PUS1: variants seen among roughly 807,000 people sequenced by gnomAD.
The protein encoded by PUS1 is pseudouridylate synthase 1 homolog.
A neutral mutation model predicts 38.5 loss-of-function variants in PUS1; 25 were observed. The ratio of observed to expected loss-of-function variants is 0.65; its 90% CI spans 0.47 to 0.91. The LOEUF is 0.91. PUS1 is among the 40% of genes least tolerant of loss of function. The pLI is 0.00. For missense variants in PUS1, 597 were observed against 612.3 expected (o/e 0.97, Z 0.26); for synonymous variants, 282 against 260.4 (o/e 1.08, Z -0.80).
In PUS1 at chr12:131,932,168, T is replaced by C. The variant is rs770047109; in HGVS notation, c.304-7T>C. 4.3e-6 allele frequency: 7 copies of C among 1,613,916 alleles called. No individual in the cohort carries two copies. Among genetic ancestry groups the C allele is most frequent in the Non-Finnish European group, 5.9e-6 (7 of 1,179,852 alleles). On this transcript the variant is annotated splice_polypyrimidine_tract_variant and splice_region_variant and intron_variant, in intron 2 of 5. Transcript: ENST00000376649. ...ATATAAAATCTGTTTTTGTCTCCTT[T>C]TTCCAGAGGAATGTCGGGTCCTCAC...
intron 2 of PUS1, 143 bp downstream of exon 2, chr12:131,930,278 A>G: frequency 4.3e-6 from 2 of 469,424 alleles, no homozygotes; most frequent in East Asian, 3.5e-5. Context: ...GTGCAGGCCC[A>G]AGCAGCTTTC....
chr12:131,930,044 G>C lies in PUS1; in HGVS notation c.212G>C (p.Ser71Thr), dbSNP rs760487019. The C allele has an allele frequency of 2.1e-6, 3 of 1,453,698 alleles. No homozygotes were observed. Among genetic ancestry groups the C allele is most frequent in the Non-Finnish European group, 2.7e-6 (3 of 1,105,238 alleles). 90.0% of individuals were successfully genotyped at this position (1,453,698 alleles called of 1,614,324 possible). A position where few individuals can be genotyped will look rare whatever the true frequency, so the allele number is the denominator to read the frequency against. The change falls in exon 2 of 6, where the codon AGC (serine) becomes ACC (threonine). Residue 71 changes from serine (S) to threonine (T), a missense_variant. Transcript: ENST00000376649. ...GAACATCCGGCGAAGAAGCTCAAGA[G>C]CGGTGGCGACGAGGAGCGGCGCGAG... ...DGEHPAKKLK[S>T]GGDEERREKP...
intron 2 of PUS1, among the ~76,000 whole-genome samples, chr12:131,931,073 G>C (rs1426729105): frequency 6.6e-6 from 1 of 152,216 alleles, no homozygotes; most frequent in African/African-American, 2.4e-5. Context: ...AGTGCGTGCA[G>C]TGTCTGACTG....
chr12:131,939,037 G>A (rs1593294293), intron 3 of PUS1, 136 bp from the exon 4 acceptor site: 3 of 710,834 alleles, frequency 4.2e-6, no homozygotes, highest in East Asian at 2.7e-5. Context: ...CACTATGCCC[G>A]GCCCTCCAGA....
In PUS1 at chr12:131,944,442, A is replaced by G; in HGVS notation, c.*856A>G. 6.6e-6 allele frequency: 1 copy of G among 152,146 alleles called. No homozygotes were observed. The highest frequency in any genetic ancestry group is 1.5e-5 in the Non-Finnish European group (1 of 68,078). 9.4% of individuals were successfully genotyped at this position (152,146 alleles called of 1,614,324 possible). A position where few individuals can be genotyped will look rare whatever the true frequency, so the allele number is the denominator to read the frequency against. ...GGCAGGAGAATCGCTTGAACCTGGG[A>G]GGTGGAGATTGCAGTGAGCCAAGAT... On this transcript the variant is annotated 3_prime_UTR_variant, in exon 6 of 6. Transcript: ENST00000376649.
intron 2 of PUS1, chr12:131,931,942 C>T: frequency 1.6e-6 from 1 of 629,388 alleles, no homozygotes; most frequent in South Asian, 1.8e-5. Context: ...TTCAATCAAA[C>T]CTGTGTTTTG....
Position 131,930,162 on chromosome 12 carries a change from C to A in PUS1, c.303+27C>A, listed in dbSNP as rs748846149. 3.6e-6 allele frequency: 5 copies of A among 1,398,952 alleles called. 1 individual carries two copies. In the South Asian group the frequency reaches 6.9e-5, roughly 19 times the overall value. The allele number at this position is 1,398,952 out of a possible 1,614,324, so 86.7% of individuals were successfully genotyped here. On this transcript the variant is annotated intron_variant, in intron 2 of 5. Coordinates refer to ENST00000376649, the MANE Select transcript of PUS1 (RefSeq NM_025215.6). ...TGTGGCCGCCCGGGAAGCGGCAGGT[C>A]CCGCGGGGTTTAGGTGCAGGTGCGG...
At chr12:131,929,834 CCCAG>C in intron 1 of PUS1, 38 bp downstream of exon 1, 1 of 1,463,618 alleles carries the variant, frequency 6.8e-7, no homozygotes, top group Non-Finnish European at 9.2e-7. Context: ...GCTATGCCCG[CCCAG>C]CCCAGCCCAC....
At position 131,941,042 on chromosome 12, in the gene PUS1, G is replaced by A. The variant is rs868383513; in HGVS notation, c.545-250G>A. ...GACATTCCGTATCTTCTCACTATTG[G>A]AAAATTACAATAAATGGTTGTAAAT... On this transcript the variant is annotated intron_variant, in intron 4 of 5. Coordinates refer to ENST00000376649, the MANE Select transcript of PUS1 (RefSeq NM_025215.6). The surrounding 1 kb of genome is among the most constrained non-coding windows in gnomAD (Gnocchi z 4.4). The A allele has an allele frequency of 7.3e-6, 4 of 550,446 alleles. No individual in the cohort carries two copies. The highest frequency in any genetic ancestry group is 1.9e-5 in the African/African-American group (1 of 53,230). 34.1% of individuals were successfully genotyped at this position (550,446 alleles called of 1,614,324 possible). A position where few individuals can be genotyped will look rare whatever the true frequency, so the allele number is the denominator to read the frequency against.
At chr12:131,935,694 C>T (rs1035201886) in intron 3 of PUS1, among the ~76,000 whole-genome samples, 14 of 151,860 alleles carry the variant, frequency 9.2e-5, no homozygotes, top group South Asian at 2.1e-4. Context: ...TCACCACGCC[C>T]GGCTGATTTT....
rs200130591 is a variant in PUS1 at position 131,941,413 on chromosome 12, C to T, written c.666C>T (p.Tyr222=). Residue 222 remains tyrosine, a synonymous_variant, in exon 5 of 6, where the codon TAC becomes TAT. Coordinates refer to ENST00000376649, the MANE Select transcript of PUS1 (RefSeq NM_025215.6). The surrounding 1 kb of genome is among the most constrained non-coding windows in gnomAD (Gnocchi z 4.4). ...HKDRDVQDET[Y]RLSAETLQQV... ...ACCGGGACGTTCAGGATGAGACCTACCGCCTGAGCGCCGAGACGCTGCAGC... is the reference window on the plus strand; with the variant it reads ...ACCGGGACGTTCAGGATGAGACCTATCGCCTGAGCGCCGAGACGCTGCAGC... The T allele has an allele frequency of 3.1e-6, 5 of 1,614,204 alleles. No individual in the cohort carries two copies. In the Admixed American group the frequency reaches 8.3e-5, roughly 27 times the overall value.
At chr12:131,939,120 C>T (rs1890957738) in intron 3 of PUS1, 53 bp from the exon 4 acceptor site, 6 of 1,107,064 alleles carry the variant, frequency 5.4e-6, no homozygotes, top group South Asian at 1.3e-5. Flanking sequence ...CAGAGACCAG[C>T]GTGCGAGGCC....
Position 131,930,057 on chromosome 12 carries a change from G to A in PUS1, c.225G>A (p.Glu75=). The part of the protein sequence containing the change: ...PAKKLKSGGD[E]ERREKPPKRK... Reference sequence around the variant, plus strand: ...AGAAGCTCAAGAGCGGTGGCGACGAGGAGCGGCGCGAGAAGCCGCCCAAGC... The same window carrying A: ...AGAAGCTCAAGAGCGGTGGCGACGAAGAGCGGCGCGAGAAGCCGCCCAAGC... Residue 75 remains glutamate (E), a synonymous_variant, in exon 2 of 6, where the codon GAG becomes GAA. Transcript: ENST00000376649. 1 of 1,439,996 alleles carries A rather than the reference G, an allele frequency of 6.9e-7. No homozygotes were observed. 89.2% of individuals were successfully genotyped at this position (1,439,996 alleles called of 1,614,324 possible).
chr12:131,931,284 G>T (rs975483560), intron 2 of PUS1, among the ~76,000 whole-genome samples: 1 of 152,026 alleles, frequency 6.6e-6, no homozygotes, highest in Non-Finnish European at 1.5e-5. Flanking sequence ...TCAGCCTCCC[G>T]AGTAGCTGGG....
intron 3 of PUS1, chr12:131,932,707 T>C: frequency 2.6e-6 from 1 of 387,716 alleles, no homozygotes; most frequent in African/African-American, 2.1e-5. Context: ...CATTCTCTTT[T>C]CTTTCCTTTT....
In PUS1 at chr12:131,929,952, C is replaced by T. The variant is rs1391994383; in HGVS notation, c.120C>T (p.Ala40=). 6.6e-7 allele frequency: 1 copy of T among 1,508,300 alleles called. No homozygotes were observed. Among genetic ancestry groups the T allele is most frequent in the Non-Finnish European group, 8.8e-7 (1 of 1,138,316 alleles). The allele number at this position is 1,508,300 out of a possible 1,614,324, so 93.4% of individuals were successfully genotyped here. ...ACGCGGAGCCGCCGCCCGCCGGAGC[C>T]GCATGCCCCCAGGACCGGAGGTCCT... The part of the protein sequence containing the change: ...AGNAEPPPAG[A]ACPQDRRSCS... The change falls in exon 2 of 6, where the codon GCC becomes GCT. Residue 40 remains alanine, a synonymous_variant. Coordinates refer to ENST00000376649, the MANE Select transcript of PUS1 (RefSeq NM_025215.6).
intron 4 of PUS1, chr12:131,940,979 T>C (rs1713741669): frequency 2.5e-6 from 1 of 407,298 alleles, no homozygotes; most frequent in South Asian, 3.4e-5. Flanking sequence ...GCATAATATA[T>C]CCATCACTCC....
At chr12:131,939,559 G>T (rs540515794) in intron 4 of PUS1, among the ~76,000 whole-genome samples, 1 of 152,178 alleles carries the variant, frequency 6.6e-6, no homozygotes, top group Non-Finnish European at 1.5e-5. Context: ...TCTTACGGCA[G>T]GACTGGTAAA....
At chr12:131,933,820 CAAAG>C (rs1474429781) in intron 3 of PUS1, among the ~76,000 whole-genome samples, 1 of 152,144 alleles carries the variant, frequency 6.6e-6, no homozygotes, top group Non-Finnish European at 1.5e-5. Flanking sequence ...AGATACGAGA[CAAAG>C]AGATAGAAGG....
Sources: allele counts gnomAD v4.1 joint callset (sites outside exome capture counted in the v4.1 genomes callset), GRCh38; gene constraint gnomAD v4.1.1; non-coding constraint Gnocchi (gnomAD v3.1); transcripts MANE v1.5; gene names NCBI Gene and HGNC (gene_info 2026-07-23, HGNC 2026-07-21).